PLCE1: variants seen among roughly 807,000 people sequenced by gnomAD.
PLCE1 encodes the protein 1-phosphatidylinositol 4,5-bisphosphate phosphodiesterase epsilon-1.
In PLCE1, 119 loss-of-function variants were observed where a neutral mutation model predicts 242.8. The ratio of observed to expected loss-of-function variants is 0.49; its 90% CI spans 0.42 to 0.57. PLCE1 has a LOEUF of 0.57. Among genes scored for constraint, PLCE1 ranks in the 20% least tolerant of loss-of-function variants. PLCE1 has a pLI of 0.00. For synonymous variants in PLCE1, 945 were observed against 1,017.4 expected (o/e 0.93, Z 1.35); for missense variants, 2,441 against 2,788.8 (o/e 0.88, Z 2.81).
chr10:94,313,105 C>A, intron 27 of PLCE1, 149 bp from the exon 28 acceptor site: 1 of 811,096 alleles, frequency 1.2e-6, no homozygotes, highest in South Asian at 1.5e-5. Context: ...GAAGAGGTAC[C>A]ATTTGTAGCA....
chr10:94,302,362 A>G (rs562879587), intron 24 of PLCE1, among the ~76,000 whole-genome samples: 1 of 152,338 alleles, frequency 6.6e-6, no homozygotes, highest in South Asian at 2.1e-4. Context: ...CATCCTGCAT[A>G]TGTACCCCGG....
chr10:94,214,471 G>C (rs2049450471), intron 4 of PLCE1, among the ~76,000 whole-genome samples: 1 of 152,216 alleles, frequency 6.6e-6, no homozygotes, highest in Non-Finnish European at 1.5e-5. Flanking sequence ...ACAGACTGCT[G>C]ATTTAATTAT....
intron 7 of PLCE1, among the ~76,000 whole-genome samples, chr10:94,241,546 C>A (rs2050502497): frequency 6.6e-6 from 1 of 152,158 alleles, no homozygotes. Flanking sequence ...AATCCCAGCA[C>A]TTTGGGAGGC....
intron 2 of PLCE1, among the ~76,000 whole-genome samples, chr10:94,097,041 T>A (rs551837483): frequency 6.6e-6 from 1 of 152,278 alleles, no homozygotes; most frequent in African/African-American, 2.4e-5. Context: ...ACTGAAAGGA[T>A]CACACTGATT....
chr10:94,314,358 G>C (rs1207930678), intron 28 of PLCE1, among the ~76,000 whole-genome samples: 3 of 152,168 alleles, frequency 2.0e-5, no homozygotes, highest in Non-Finnish European at 4.4e-5. Context: ...CCAGCTCTTT[G>C]GGAGGCCGAG....
intron 3 of PLCE1, among the ~76,000 whole-genome samples, chr10:94,161,565 T>C (rs1393623521): frequency 6.6e-6 from 1 of 152,230 alleles, no homozygotes; most frequent in Non-Finnish European, 1.5e-5. Context: ...GCTCAGACAA[T>C]GGGGTTTTCT....
intron 2 of PLCE1, among the ~76,000 whole-genome samples, chr10:94,111,791 A>T (rs928341447): frequency 6.6e-6 from 1 of 152,210 alleles, no homozygotes; most frequent in Non-Finnish European, 1.5e-5. Context: ...CAGTATAATG[A>T]TCAATGGATT....
rs763537813 is a variant in PLCE1 at position 94,262,708 on chromosome 10, T to C, written c.4029T>C (p.Tyr1343=). The change falls in exon 14 of 33, where the codon TAT becomes TAC. Residue 1343 remains tyrosine (Y), a synonymous_variant. Transcript: ENST00000371380. ...ATTGCCAAGGAGAACACTGCACTTA[T>C]GATGAAATCCTCAGCATCATCCAGG... ...LVNCQGEHCT[Y]DEILSIIQKF... 6.2e-6 allele frequency: 10 copies of C among 1,613,394 alleles called. No homozygotes were observed. The highest frequency in any genetic ancestry group is 1.7e-5 in the Admixed American group (1 of 60,016).
At chr10:94,244,633 G>T (rs2050618181) in intron 7 of PLCE1, among the ~76,000 whole-genome samples, 1 of 152,164 alleles carries the variant, frequency 6.6e-6, no homozygotes, top group African/African-American at 2.4e-5. Flanking sequence ...CTAAGGTTGA[G>T]TCCAGGAGAA....
intron 28 of PLCE1, among the ~76,000 whole-genome samples, chr10:94,313,971 A>G (rs1311374053): frequency 6.6e-6 from 1 of 152,114 alleles, no homozygotes; most frequent in East Asian, 1.9e-4. Context: ...TTTTGGTGGT[A>G]GCAAGAGGCA....
Position 94,031,761 on chromosome 10 carries a change from G to A in PLCE1, c.715G>A (p.Glu239Lys), listed in dbSNP as rs753470093. 4 of 1,613,742 alleles carry A rather than the reference G, an allele frequency of 2.5e-6. No individual in the cohort carries two copies. Among genetic ancestry groups the A allele is most frequent in the Non-Finnish European group, 2.5e-6 (3 of 1,179,872 alleles). The part of the protein sequence containing the change: ...NYVAYTCKLM[E>K]LAKNCDNKNE... ...TGTGGCATATACCTGTAAACTGATG[G>A]AATTGGCCAAAAATTGTGATAATAA... Residue 239 changes from glutamate to lysine, a missense_variant, in exon 2 of 33, where the codon GAA (glutamate) becomes AAA (lysine). Glu to Lys is a moderately conservative substitution (Grantham distance 56). Around this residue, in one of 5 missense-constraint regions of PLCE1, gnomAD observed 393 missense variants for 378.5 expected, o/e 1.04. Coordinates refer to ENST00000371380, the MANE Select transcript of PLCE1 (RefSeq NM_016341.4).
At chr10:94,297,139 A>T (rs1485874029) in intron 23 of PLCE1, among the ~76,000 whole-genome samples, 1 of 152,132 alleles carries the variant, frequency 6.6e-6, no homozygotes, top group East Asian at 1.9e-4. Flanking sequence ...AAGTGCTGGG[A>T]TTGCAGGCAT....
chr10:94,039,576 G>A (rs2061728589), intron 2 of PLCE1, among the ~76,000 whole-genome samples: 1 of 152,030 alleles, frequency 6.6e-6, no homozygotes, highest in Non-Finnish European at 1.5e-5. Flanking sequence ...AGTAGAGACA[G>A]GGTGTCACCA....
intron 4 of PLCE1, among the ~76,000 whole-genome samples, chr10:94,220,376 T>TTATATTCATATA (rs1234804837): frequency 1.6e-5 from 1 of 61,878 alleles, no homozygotes; most frequent in African/African-American, 6.3e-5. Flanking sequence ...ACTAAACATT[T>TTATATTCATATA]TATATATATA....
intron 11 of PLCE1, among the ~76,000 whole-genome samples, chr10:94,255,906 ACACACACACTCTCTCTCTCTCTCTCT>A (rs2051060302): frequency 1.0e-5 from 1 of 98,452 alleles, no homozygotes; most frequent in Non-Finnish European, 2.1e-5. Flanking sequence ...ACACACACAC[ACACACACACTCTCTCTCTCTCTCTCT>A]CTCTCTCTCT....
At chr10:94,210,183 T>C (rs2049287677) in intron 4 of PLCE1, among the ~76,000 whole-genome samples, 1 of 137,544 alleles carries the variant, frequency 7.3e-6, no homozygotes, top group Non-Finnish European at 1.5e-5. Context: ...TTGAATGGTG[T>C]TTTTTTTTTT....
intron 4 of PLCE1, among the ~76,000 whole-genome samples, chr10:94,205,219 C>T (rs1323823297): frequency 2.0e-5 from 3 of 152,114 alleles, no homozygotes; most frequent in African/African-American, 7.2e-5. Context: ...TTTCCATTCC[C>T]CAGGGGACTC....
rs913426326 is a variant in PLCE1, at chr10:94,174,464, T to G, written c.1809+2968T>G. 4.6e-5 allele frequency among the ~76,000 whole-genome samples: 7 copies of G among 152,298 alleles called. No homozygotes were observed. In the Middle Eastern group the frequency reaches 0.01, roughly 222 times the overall value. On this transcript the variant is annotated intron_variant, in intron 4 of 32. Coordinates refer to ENST00000371380, the MANE Select transcript of PLCE1 (RefSeq NM_016341.4). ...TAAGTTTGATGAGAAATAGGACATT[T>G]GCAAATAGTCTCAAAGCATCTCTCC...
chr10:94,132,510 G>T (rs1440996298), intron 3 of PLCE1, 51 bp downstream of exon 3: 2 of 1,544,964 alleles, frequency 1.3e-6, no homozygotes, highest in Non-Finnish European at 1.8e-6. Context: ...TACAGAGAAG[G>T]ATCTAAGTTA....
Sources: gnomAD v4.1 joint callset for allele counts (sites outside exome capture counted in the v4.1 genomes callset) on GRCh38, gnomAD v4.1.1 for gene constraint, gnomAD v4.1.1 regional missense constraint, MANE v1.5 for transcripts, NCBI Gene and HGNC (gene_info 2026-07-23, HGNC 2026-07-21) for gene names.